Variants in NEK10 observed in about 807,000 individuals in gnomAD.
The protein encoded by NEK10 is NIMA related kinase 10.
Under a neutral mutation model 159.8 loss-of-function variants are expected in NEK10, and 122 were observed. That is an observed-to-expected ratio of 0.76 (90% CI 0.66 to 0.89). The LOEUF is 0.89. Ranked by LOEUF, NEK10 falls within the 40% of genes least tolerant of loss-of-function variation. The pLI is 0.00. For missense variants in NEK10, 1,342 were observed against 1,323.1 expected (o/e 1.01, Z -0.22); for synonymous variants, 466 against 457.1 (o/e 1.02, Z -0.25).
Position 27,366,510 on chromosome 3 carries a change from C to T in NEK10, c.-38+2715G>A, listed in dbSNP as rs532307768. On this transcript the variant is annotated intron_variant, in intron 1 of 35. Coordinates refer to ENST00000691995, the MANE Select transcript of NEK10 (RefSeq NM_001394966.1). ...TCAAAGCTTGACTGGCTGTGACAGGCAGAGTAACATTCCAGGCCCTTCTTC... is the reference window on the plus strand; with the variant it reads ...TCAAAGCTTGACTGGCTGTGACAGGTAGAGTAACATTCCAGGCCCTTCTTC... 4.6e-5 allele frequency among the ~76,000 whole-genome samples: 7 copies of T among 152,278 alleles called. No individual in the cohort carries two copies. The South Asian group carries it at 1.2e-3, about 27-fold the overall frequency.
chr3:27,177,303 G>A (rs1056136256), intron 26 of NEK10, among the ~76,000 whole-genome samples: 1 of 152,084 alleles, frequency 6.6e-6, no homozygotes, highest in Admixed American at 6.5e-5. Context: ...CAGCACTTTG[G>A]GAGGCTGAGG....
rs188414065 is a variant in NEK10 at position 27,255,718 on chromosome 3, C to T, written c.2090+578G>A. On this transcript the variant is annotated intron_variant, in intron 23 of 35. Transcript: ENST00000691995. The stretch of plus-strand genomic sequence containing the variant: ...AGTATGCCAAAGAATTTAAGTGTCT[C>T]GATTTATCAAAATATAAACACTCAT... Among the ~76,000 whole-genome samples, 67 of 152,154 alleles carry T rather than the reference C, an allele frequency of 4.4e-4. 1 individual carries two copies. In the East Asian group the frequency reaches 5.0e-3, roughly 11 times the overall value.
intron 22 of NEK10, among the ~76,000 whole-genome samples, chr3:27,265,026 C>A (rs1010158048): frequency 6.6e-6 from 1 of 152,022 alleles, no homozygotes; most frequent in Non-Finnish European, 1.5e-5. Context: ...GTGCAAAAAG[C>A]GTCAGCAAAA....
At chr3:27,278,013 T>G (rs1196345391) in intron 22 of NEK10, among the ~76,000 whole-genome samples, 1 of 152,222 alleles carries the variant, frequency 6.6e-6, no homozygotes, top group Non-Finnish European at 1.5e-5. Context: ...AAAGACCAGA[T>G]AGTAAACATT....
At chr3:27,270,655 A>G (rs1001468386) in intron 22 of NEK10, among the ~76,000 whole-genome samples, 1 of 151,994 alleles carries the variant, frequency 6.6e-6, no homozygotes, top group African/African-American at 2.4e-5. Context: ...CCCTCCCTCC[A>G]TCTCTCCTCA....
At chr3:27,350,392 CTT>C (rs2047884571) in intron 3 of NEK10, among the ~76,000 whole-genome samples, 1 of 152,086 alleles carries the variant, frequency 6.6e-6, no homozygotes, top group African/African-American at 2.4e-5. Context: ...ATAAGTGTAA[CTT>C]GAGTTATTTT....
chr3:27,331,251 C>CAAAAAAAAA (rs1247716064), intron 5 of NEK10, among the ~76,000 whole-genome samples: 1 of 53,908 alleles, frequency 1.9e-5, no homozygotes, highest in African/African-American at 4.6e-5. Context: ...AAAAAAAAAA[C>CAAAAAAAAA]AAAAAAAAAA....
Position 27,235,164 on chromosome 3 carries a change from A to G in NEK10, c.2090+21132T>C, listed in dbSNP as rs186306032. 6.7e-3 allele frequency among the ~76,000 whole-genome samples: 1,016 copies of G among 152,272 alleles called. 3 individuals carry two copies. The highest frequency in any genetic ancestry group is 0.014 in the Middle Eastern group (4 of 294). ...TAAAACCCAAAACTATAAAAACCCT[A>G]GAAGAAAACCTAGGCAATACCATTT... On this transcript the variant is annotated intron_variant, in intron 23 of 35. Coordinates refer to ENST00000691995, the MANE Select transcript of NEK10 (RefSeq NM_001394966.1).
At chr3:27,137,894 G>A (rs559981569) in intron 31 of NEK10, among the ~76,000 whole-genome samples, 8 of 152,280 alleles carry the variant, frequency 5.3e-5, no homozygotes, top group Non-Finnish European at 7.4e-5. Flanking sequence ...CAAAGAAGGC[G>A]GTTCCTTGTC....
intron 22 of NEK10, among the ~76,000 whole-genome samples, chr3:27,284,003 G>A (rs1287586858): frequency 2.6e-5 from 4 of 152,140 alleles, no homozygotes; most frequent in African/African-American, 7.2e-5. Context: ...TCCCTCATAT[G>A]GGCAAAATAT....
chr3:27,214,447 A>G (rs1287007405), intron 23 of NEK10, among the ~76,000 whole-genome samples: 1 of 152,114 alleles, frequency 6.6e-6, no homozygotes, highest in Non-Finnish European at 1.5e-5. Context: ...CTAAATCGCT[A>G]GTTTCCCTCC....
At chr3:27,332,612 T>A (rs1412078319) in intron 5 of NEK10, among the ~76,000 whole-genome samples, 2 of 152,226 alleles carry the variant, frequency 1.3e-5, no homozygotes, top group Non-Finnish European at 2.9e-5. Context: ...CACAAATACA[T>A]AATATTTGCC....
chr3:27,368,736 T>C (rs1425466777), intron 1 of NEK10, among the ~76,000 whole-genome samples: 15 of 152,020 alleles, frequency 9.9e-5, no homozygotes. Context: ...TAGGTTCCAG[T>C]TGGAGACTTT....
intron 10 of NEK10, among the ~76,000 whole-genome samples, chr3:27,308,571 A>C (rs1338665539): frequency 6.6e-6 from 1 of 152,196 alleles, no homozygotes; most frequent in Non-Finnish European, 1.5e-5. Flanking sequence ...AGATGTTTGA[A>C]AACGTTCTGT....
chr3:27,327,030 A>G (rs371144695), intron 5 of NEK10, among the ~76,000 whole-genome samples: 8 of 152,220 alleles, frequency 5.3e-5, no homozygotes, highest in Admixed American at 2.6e-4. Context: ...AGTGAATAAT[A>G]GTGACAGATT....
At chr3:27,299,035 C>T (rs1402954415) in intron 13 of NEK10, among the ~76,000 whole-genome samples, 1 of 152,142 alleles carries the variant, frequency 6.6e-6, no homozygotes, top group South Asian at 2.1e-4. Flanking sequence ...AAATTCAAGC[C>T]TGCTGCAGAA....
In NEK10 at chr3:27,116,067, A is replaced by T. The variant is rs1940376018; in HGVS notation, c.3243+8T>A. On this transcript the variant is annotated splice_region_variant and intron_variant, in intron 34 of 35. Coordinates refer to ENST00000691995, the MANE Select transcript of NEK10 (RefSeq NM_001394966.1). ...TAAAATCATTCAGAGACACTGCAAA[A>T]ACCTCACCTGCATCTGTTCATATGT... The T allele has an allele frequency of 6.2e-7, 1 of 1,613,464 alleles. No individual in the cohort carries two copies. The highest frequency in any genetic ancestry group is 1.7e-5 in the Admixed American group (1 of 59,966).
At position 27,225,850 on chromosome 3, in the gene NEK10, C is replaced by A. The variant is rs950070824; in HGVS notation, c.2091-23293G>T. On this transcript the variant is annotated intron_variant, in intron 23 of 35. Coordinates refer to ENST00000691995, the MANE Select transcript of NEK10 (RefSeq NM_001394966.1). Reference sequence around the variant, plus strand: ...AAGTCACATGGTTGTGTTTCAGCTGCAAGGAGGCTAAGATTACACATTTTT... The same window carrying A: ...AAGTCACATGGTTGTGTTTCAGCTGAAAGGAGGCTAAGATTACACATTTTT... 3.6e-5 allele frequency among the ~76,000 whole-genome samples: 3 copies of A among 84,122 alleles called. No individual in the cohort carries two copies. In the African/African-American group the frequency reaches 4.2e-4, roughly 12 times the overall value. The allele number at this position is 84,122 out of a possible 152,430, so 55.2% of individuals were successfully genotyped here.
chr3:27,123,392 G>C (rs1175124197), intron 32 of NEK10, among the ~76,000 whole-genome samples: 1 of 152,100 alleles, frequency 6.6e-6, no homozygotes, highest in Non-Finnish European at 1.5e-5. Flanking sequence ...ATTCCAGGTA[G>C]GGGGAACTTG....
Sources: allele counts gnomAD v4.1 joint callset (sites outside exome capture counted in the v4.1 genomes callset), GRCh38; gene constraint gnomAD v4.1.1; transcripts MANE v1.5; gene names NCBI Gene and HGNC (gene_info 2026-07-23, HGNC 2026-07-21).